CNGA3: variants seen among roughly 807,000 people sequenced by gnomAD.
CNGA3 encodes the protein cyclic nucleotide-gated channel alpha-3.
A neutral mutation model predicts 46.6 loss-of-function variants in CNGA3; 42 were observed. The ratio of observed to expected loss-of-function variants is 0.90; its 90% CI spans 0.70 to 1.17. The LOEUF is 1.17. CNGA3 is among the 50% of genes most tolerant of loss of function. The pLI is 0.00. For missense variants in CNGA3, 893 were observed against 890.7 expected (o/e 1.00, Z -0.03); for synonymous variants, 394 against 369.4 (o/e 1.07, Z -0.76).
chr2:98,379,093 A>C (rs996188151), intron 3 of CNGA3, among the ~76,000 whole-genome samples: 62 of 152,124 alleles, frequency 4.1e-4, no homozygotes, highest in African/African-American at 1.4e-3. Flanking sequence ...CCTTGGTTCC[A>C]CCCTCTTGGC....
intron 1 of CNGA3, among the ~76,000 whole-genome samples, chr2:98,369,400 C>G (rs996316273): frequency 6.6e-6 from 1 of 152,222 alleles, no homozygotes; most frequent in African/African-American, 2.4e-5. Flanking sequence ...ATAAGTACCT[C>G]ACAAAGTTAC....
At chr2:98,350,272 A>G (rs2106067836) in intron 1 of CNGA3, among the ~76,000 whole-genome samples, 1 of 152,346 alleles carries the variant, frequency 6.6e-6, no homozygotes, top group East Asian at 1.9e-4. Flanking sequence ...TGGGGATTAA[A>G]TGAAGTAATT....
intron 7 of CNGA3, among the ~76,000 whole-genome samples, chr2:98,393,360 C>T (rs1692836035): frequency 6.6e-6 from 1 of 152,202 alleles, no homozygotes; most frequent in Non-Finnish European, 1.5e-5. Flanking sequence ...TTCATTAGAA[C>T]CACTGCATGA....
Position 98,396,450 on chromosome 2 carries a change from G to T in CNGA3, c.1280G>T (p.Arg427Leu), listed in dbSNP as rs771172885. The T allele has an allele frequency of 3.7e-6, 6 of 1,613,784 alleles. No individual in the cohort carries two copies. In the African/African-American group the frequency reaches 6.7e-5, roughly 18 times the overall value. Residue 427 changes from arginine (R) to leucine (L), a missense_variant, in exon 8 of 8, where the codon CGC becomes CTC. Arg to Leu is a moderately radical substitution (Grantham distance 102). Around this residue, in one of 3 missense-constraint regions of CNGA3, gnomAD observed 548 missense variants for 570.8 expected, o/e 0.96. Coordinates refer to ENST00000272602, the MANE Select transcript of CNGA3 (RefSeq NM_001298.3). ...IDSIKQYMQF[R>L]KVTKDLETRV... ...TCCATCAAGCAGTACATGCAGTTCC[G>T]CAAGGTCACCAAGGACTTGGAGACG...
chr2:98,364,017 T>G, intron 1 of CNGA3, among the ~76,000 whole-genome samples: 2 of 152,320 alleles, frequency 1.3e-5, no homozygotes, highest in African/African-American at 4.8e-5. Context: ...TAGCTCTTTA[T>G]GTTGAATTGA....
intron 1 of CNGA3, among the ~76,000 whole-genome samples, chr2:98,356,570 A>G (rs1691884114): frequency 6.6e-6 from 1 of 152,214 alleles, no homozygotes; most frequent in African/African-American, 2.4e-5. Context: ...ATGATCATTC[A>G]GAACGACTTC....
In CNGA3 at chr2:98,366,452, G is replaced by C. The variant is rs528547176; in HGVS notation, c.-37-3487G>C. Among the ~76,000 whole-genome samples, 8 of 152,156 alleles carry C rather than the reference G, an allele frequency of 5.3e-5. No homozygotes were observed. The South Asian group carries it at 1.0e-3, about 20-fold the overall frequency. Reference sequence around the variant, plus strand: ...GAGGGCATGCGCTGCACTTGCGGGGGATCCCACTCATCCAGACTGCCCGAT... The same window carrying C: ...GAGGGCATGCGCTGCACTTGCGGGGCATCCCACTCATCCAGACTGCCCGAT... On this transcript the variant is annotated intron_variant, in intron 1 of 7. Coordinates refer to ENST00000272602, the MANE Select transcript of CNGA3 (RefSeq NM_001298.3).
chr2:98,362,400 C>T (rs1419456265), intron 1 of CNGA3, among the ~76,000 whole-genome samples: 1 of 151,768 alleles, frequency 6.6e-6, no homozygotes, highest in East Asian at 1.9e-4. Context: ...AGGCTGGTAT[C>T]GAACTCCTGA....
intron 1 of CNGA3, among the ~76,000 whole-genome samples, chr2:98,348,449 G>A (rs182759930): frequency 5.8e-4 from 88 of 152,336 alleles, no homozygotes; most frequent in African/African-American, 2.0e-3. Flanking sequence ...TACCCAGAAG[G>A]TAAACAGTTG....
At chr2:98,383,882 T>C (rs1692590152) in intron 5 of CNGA3, among the ~76,000 whole-genome samples, 1 of 150,764 alleles carries the variant, frequency 6.6e-6, no homozygotes, top group Admixed American at 6.6e-5. Flanking sequence ...GCTGTTGTTA[T>C]TGTTGTTTGT....
At chr2:98,372,591 G>A (rs1692312548) in intron 2 of CNGA3, among the ~76,000 whole-genome samples, 1 of 152,130 alleles carries the variant, frequency 6.6e-6, no homozygotes, top group Non-Finnish European at 1.5e-5. Flanking sequence ...CTCTGCAACT[G>A]ACCTGCTATG....
chr2:98,349,974 C>T (rs940199273), intron 1 of CNGA3, among the ~76,000 whole-genome samples: 1 of 152,148 alleles, frequency 6.6e-6, no homozygotes, highest in Non-Finnish European at 1.5e-5. Flanking sequence ...GACAGTGATG[C>T]CATTCAGAAT....
At chr2:98,359,213 G>C (rs1448700272) in intron 1 of CNGA3, among the ~76,000 whole-genome samples, 2 of 152,184 alleles carry the variant, frequency 1.3e-5, no homozygotes, top group Non-Finnish European at 2.9e-5. Flanking sequence ...ATTCCCTCAG[G>C]CTCCTGCTTC....
intron 6 of CNGA3, among the ~76,000 whole-genome samples, chr2:98,391,499 CTA>C (rs999626188): frequency 2.0e-5 from 3 of 152,184 alleles, no homozygotes; most frequent in Non-Finnish European, 4.4e-5. Flanking sequence ...GGAAATTCTC[CTA>C]TTTTTGTTGA....
At chr2:98,388,922 A>G (rs1465845049) in intron 5 of CNGA3, among the ~76,000 whole-genome samples, 2 of 152,250 alleles carry the variant, frequency 1.3e-5, no homozygotes, top group Non-Finnish European at 2.9e-5. Flanking sequence ...CGTGGGTCGC[A>G]TGGGATGGCA....
chr2:98,361,034 T>C (rs1692020530), intron 1 of CNGA3, among the ~76,000 whole-genome samples: 1 of 147,780 alleles, frequency 6.8e-6, no homozygotes, highest in Non-Finnish European at 1.5e-5. Flanking sequence ...TATTTTATTT[T>C]ATTTTTAGTT....
Position 98,389,663 on chromosome 2 carries a change from A to G in CNGA3, c.455A>G (p.Lys152Arg), listed in dbSNP as rs765188294. The change falls in exon 6 of 8, where the codon AAG becomes AGG. Residue 152 changes from lysine to arginine, a missense_variant. Lys to Arg is a conservative substitution (Grantham distance 26, BLOSUM62 2). Transcript: ENST00000272602. ...GTGTATGTGTGGGTTTCCAGGAAGAAGACGAAAAAGAAGGATGCGATCGTG... is the reference window on the plus strand; with the variant it reads ...GTGTATGTGTGGGTTTCCAGGAAGAGGACGAAAAAGAAGGATGCGATCGTG... ...NTSNNTEEEKKTKKKDAIVVD... is the reference protein window; with the variant it reads ...NTSNNTEEEKRTKKKDAIVVD... 3 of 1,613,950 alleles carry G rather than the reference A, an allele frequency of 1.9e-6. No individual in the cohort carries two copies. Among genetic ancestry groups the G allele is most frequent in the Admixed American group, 3.3e-5 (2 of 60,032 alleles).
rs35874455 is a variant in CNGA3 at position 98,365,043 on chromosome 2, A to ATT, written c.-37-4885_-37-4884dup. Among the ~76,000 whole-genome samples the ATT allele has an allele frequency of 3.5e-3, 507 of 144,712 alleles. 3 individuals carry two copies. The highest frequency in any genetic ancestry group is 0.012 in the African/African-American group (460 of 39,124). The allele number at this position is 144,712 out of a possible 152,430, so 94.9% of individuals were successfully genotyped here. A position where few individuals can be genotyped will look rare whatever the true frequency, so the allele number is the denominator to read the frequency against. Reference sequence around the variant, plus strand: ...GCCTTTCTCTCTGGCTGCCCTTAACATTTTTTTTTTTTCAGTTGGGGTCCT... The same window carrying ATT: ...GCCTTTCTCTCTGGCTGCCCTTAACATTTTTTTTTTTTTTCAGTTGGGGTCCT... On this transcript the variant is annotated intron_variant, in intron 1 of 7. Coordinates refer to ENST00000272602, the MANE Select transcript of CNGA3 (RefSeq NM_001298.3).
chr2:98,381,337 A>G (rs1457541299), intron 4 of CNGA3, among the ~76,000 whole-genome samples: 1 of 152,184 alleles, frequency 6.6e-6, no homozygotes, highest in Non-Finnish European at 1.5e-5. Context: ...GCTGCAGAAC[A>G]GACAGTCCCT....
Sources: allele counts gnomAD v4.1 joint callset (sites outside exome capture counted in the v4.1 genomes callset), GRCh38; gene constraint gnomAD v4.1.1; regional missense constraint gnomAD v4.1.1; transcripts MANE v1.5; gene names NCBI Gene and HGNC (gene_info 2026-07-23, HGNC 2026-07-21).